Variants in NAMPT observed in about 807,000 individuals in gnomAD.
NAMPT encodes NAmPRTase.
NAMPT carries 7 observed loss-of-function variants against 58.7 expected under a neutral mutation model. The ratio of observed to expected loss-of-function variants is 0.12; its 90% CI spans 0.07 to 0.22. The LOEUF (loss-of-function observed/expected upper bound fraction) is 0.22, where lower values mean the gene tolerates loss of function less well. Among genes scored for constraint, NAMPT ranks in the 10% least tolerant of loss-of-function variants. The pLI, the probability that NAMPT is intolerant of heterozygous loss-of-function variation, is 1.00. For synonymous variants in NAMPT, 145 were observed against 198.1 expected, an observed-to-expected ratio of 0.73 and a Z score of 2.25; for missense variants, 271 against 567.9, an observed-to-expected ratio of 0.48 and a Z score of 5.31.
Position 106,248,854 on chromosome 7 carries a change from T to A in NAMPT, c.*2229A>T, listed in dbSNP as rs1007155992. 1 of 152,124 alleles carries A rather than the reference T, an allele frequency of 6.6e-6. No individual in the cohort carries two copies. The allele number at this position is 152,124 out of a possible 1,614,324, so 9.4% of individuals were successfully genotyped here. A position where few individuals can be genotyped will look rare whatever the true frequency, so the allele number is the denominator to read the frequency against. ...AGATGGCCAAATACCAAGTGCTTAG[T>A]GACAGAAAGTCAGAATTAATCAGTT... On this transcript the variant is annotated 3_prime_UTR_variant, in exon 11 of 11. Coordinates refer to ENST00000222553, the MANE Select transcript of NAMPT (RefSeq NM_005746.3).
At chr7:106,257,774 T>C (rs1792228797) in intron 8 of NAMPT, among the ~76,000 whole-genome samples, 1 of 152,220 alleles carries the variant, frequency 6.6e-6, no homozygotes. Context: ...TCAACTTGCC[T>C]GAACAATCCA....
intron 6 of NAMPT, among the ~76,000 whole-genome samples, chr7:106,267,382 A>G (rs971236628): frequency 3.3e-5 from 5 of 152,200 alleles, no homozygotes; most frequent in Admixed American, 6.5e-5. Flanking sequence ...CAGTCAACTA[A>G]TATGCCTCAA....
At chr7:106,256,265 T>G (rs1458923148) in intron 8 of NAMPT, among the ~76,000 whole-genome samples, 8 of 152,232 alleles carry the variant, frequency 5.3e-5, no homozygotes, top group African/African-American at 9.6e-5. Context: ...TATTTTTATT[T>G]TCCTAAATAA....
chr7:106,259,169 G>C (rs1792260237), intron 8 of NAMPT, among the ~76,000 whole-genome samples: 3 of 152,214 alleles, frequency 2.0e-5, no homozygotes, highest in Admixed American at 2.0e-4. Flanking sequence ...ATCTGTTCAA[G>C]TTTAATCATG....
chr7:106,269,295 G>A lies in NAMPT; in HGVS notation c.465C>T (p.Ser155=). ...TNWIETILVQ[S]WYPITVATNS... ...TTGTGGCCACTGTGATTGGATACCAGGACTGAACAAGAATAGTCTGTAGTA... is the reference window on the plus strand; with the variant it reads ...TTGTGGCCACTGTGATTGGATACCAAGACTGAACAAGAATAGTCTGTAGTA... Residue 155 remains serine (S), a synonymous_variant, in exon 5 of 11, where the codon TCC becomes TCT. Coordinates refer to ENST00000222553, the MANE Select transcript of NAMPT (RefSeq NM_005746.3). 6.2e-7 allele frequency: 1 copy of A among 1,612,918 alleles called. No homozygotes were observed. Among genetic ancestry groups the A allele is most frequent in the Non-Finnish European group, 8.5e-7 (1 of 1,179,180 alleles).
rs1336959397 is a variant in NAMPT, at chr7:106,254,620, T to C, written c.1090-116A>G. 3.0e-5 allele frequency: 35 copies of C among 1,149,102 alleles called. No individual in the cohort carries two copies. In the East Asian group the frequency reaches 4.8e-4, roughly 16 times the overall value. 71.2% of individuals were successfully genotyped at this position (1,149,102 alleles called of 1,614,324 possible). A position where few individuals can be genotyped will look rare whatever the true frequency, so the allele number is the denominator to read the frequency against. ...CATCCAAGACTGTTTTATAACACGG[T>C]CAATAAATAATTATAGCCCGCATTT... On this transcript the variant is annotated intron_variant, in intron 8 of 10. Transcript: ENST00000222553.
At chr7:106,261,794 A>T (rs2115752946) in intron 7 of NAMPT, 87 bp from the exon 8 acceptor site, 1 of 1,360,960 alleles carries the variant, frequency 7.3e-7, no homozygotes, top group South Asian at 1.3e-5. Flanking sequence ...TTTTGCTTTG[A>T]TAATCGAGAA....
chr7:106,250,837 G>C lies in NAMPT; in HGVS notation c.*246C>G, dbSNP rs1191505366. On this transcript the variant is annotated 3_prime_UTR_variant, in exon 11 of 11. Transcript: ENST00000222553. ...GTTATTTGTGAAAAGATCAATACCAGATTGAATGACTACCTATTGGCAAAG... is the reference window on the plus strand; with the variant it reads ...GTTATTTGTGAAAAGATCAATACCACATTGAATGACTACCTATTGGCAAAG... The C allele has an allele frequency of 1.1e-5, 5 of 461,236 alleles. No individual in the cohort carries two copies. The highest frequency in any genetic ancestry group is 4.0e-5 in the East Asian group (1 of 24,782). 28.6% of individuals were successfully genotyped at this position (461,236 alleles called of 1,614,324 possible). A position where few individuals can be genotyped will look rare whatever the true frequency, so the allele number is the denominator to read the frequency against.
intron 9 of NAMPT, among the ~76,000 whole-genome samples, chr7:106,253,777 T>C (rs1229536081): frequency 6.6e-6 from 1 of 152,112 alleles, no homozygotes; most frequent in Non-Finnish European, 1.5e-5. Flanking sequence ...ATCCCAGAAC[T>C]TTCCAAAGAA....
At chr7:106,272,441 G>C (rs987644797) in intron 4 of NAMPT, 89 bp downstream of exon 4, 1 of 1,211,638 alleles carries the variant, frequency 8.3e-7, no homozygotes, top group Non-Finnish European at 1.1e-6. Context: ...AGATTATATA[G>C]CTTTATTAGT....
chr7:106,279,163 A>G (rs1184708939), intron 1 of NAMPT, among the ~76,000 whole-genome samples: 1 of 152,202 alleles, frequency 6.6e-6, no homozygotes, highest in Non-Finnish European at 1.5e-5. Context: ...TAGTACTTTA[A>G]AAACCTACCT....
chr7:106,275,085 A>G (rs1382601690), intron 2 of NAMPT, 36 bp from the exon 3 acceptor site: 1 of 1,342,762 alleles, frequency 7.4e-7, no homozygotes, highest in Non-Finnish European at 1.1e-6. Context: ...ACATTTCTAA[A>G]GGTGCATTCT....
chr7:106,253,146 G>A lies in NAMPT; in HGVS notation c.1236C>T (p.Asn412=), dbSNP rs1792132808. 3 of 1,611,220 alleles carry A rather than the reference G, an allele frequency of 1.9e-6. No individual in the cohort carries two copies. The highest frequency in any genetic ancestry group is 8.5e-7 in the Non-Finnish European group (1 of 1,178,824). Residue 412 remains asparagine, a synonymous_variant, in exon 10 of 11, where the codon AAC becomes AAT. Transcript: ENST00000222553. The part of the protein sequence containing the change: ...SYVVTNGLGI[N]VFKDPVADPN... The stretch of plus-strand genomic sequence containing the variant: ...GATCAGCAACTGGGTCCTTGAAGAC[G>A]TTAATCTGAAATCCAAATTAAGAAA...
chr7:106,257,397 C>A (rs902937591), intron 8 of NAMPT, among the ~76,000 whole-genome samples: 3 of 149,142 alleles, frequency 2.0e-5, no homozygotes, highest in African/African-American at 7.4e-5. Context: ...TCAAGGAGTT[C>A]GAGGCCAAAC....
intron 8 of NAMPT, 84 bp from the exon 9 acceptor site, chr7:106,254,588 A>G (rs1411478178): frequency 4.9e-6 from 7 of 1,440,898 alleles, no homozygotes; most frequent in African/African-American, 1.4e-5. Flanking sequence ...AATATTGATG[A>G]ATGAAGCATC....
intron 6 of NAMPT, among the ~76,000 whole-genome samples, chr7:106,268,154 A>G (rs1043014694): frequency 1.8e-4 from 28 of 152,178 alleles, no homozygotes; most frequent in African/African-American, 6.3e-4. Context: ...GAGTGCTTCT[A>G]AATTTAATGA....
chr7:106,277,692 T>C (rs1024858727), intron 1 of NAMPT, among the ~76,000 whole-genome samples: 3 of 152,186 alleles, frequency 2.0e-5, no homozygotes, highest in Admixed American at 1.3e-4. Context: ...GCAACGGCGG[T>C]GGCAGCAAAG....
chr7:106,268,398 G>A, intron 6 of NAMPT, 66 bp downstream of exon 6: 1 of 1,480,956 alleles, frequency 6.8e-7, no homozygotes, highest in Admixed American at 2.0e-5. Context: ...TAGGTAAAAT[G>A]TCACTGAGTT....
At position 106,251,062 on chromosome 7, in the gene NAMPT, A is replaced by C. The variant is rs769665174; in HGVS notation, c.*21T>G. On this transcript the variant is annotated 3_prime_UTR_variant, in exon 11 of 11. Transcript: ENST00000222553. The stretch of plus-strand genomic sequence containing the variant: ...AAACATTATGTATTACATACACACA[A>C]CACACACCCAGTCATAAAGCCTAAT... The C allele has an allele frequency of 2.1e-6, 3 of 1,456,472 alleles. No homozygotes were observed. Among genetic ancestry groups the C allele is most frequent in the Non-Finnish European group, 1.9e-6 (2 of 1,036,882 alleles). 90.2% of individuals were successfully genotyped at this position (1,456,472 alleles called of 1,614,324 possible). A position where few individuals can be genotyped will look rare whatever the true frequency, so the allele number is the denominator to read the frequency against.
Sources: gnomAD v4.1 joint callset for allele counts (sites outside exome capture counted in the v4.1 genomes callset) on GRCh38, gnomAD v4.1.1 for gene constraint, MANE v1.5 for transcripts, NCBI Gene and HGNC (gene_info 2026-07-23, HGNC 2026-07-21) for gene names.